Variants in CAMTA1 observed in about 807,000 individuals in gnomAD.
CAMTA1 encodes the protein calmodulin binding transcription activator 1.
Under a neutral mutation model 170.9 loss-of-function variants are expected in CAMTA1, and 27 were observed. That is an observed-to-expected ratio of 0.16 (90% CI 0.12 to 0.22). The LOEUF (loss-of-function observed/expected upper bound fraction) is 0.22. Ranked by LOEUF, CAMTA1 falls within the 10% of genes least tolerant of loss-of-function variation. The pLI, the probability that CAMTA1 is intolerant of heterozygous loss-of-function variation, is 1.00. For missense variants in CAMTA1, 1,619 were observed against 2,217.2 expected (o/e 0.73, Z 5.42); for synonymous variants, 833 against 891.5 (o/e 0.93, Z 1.17).
intron 5 of CAMTA1, among the ~76,000 whole-genome samples, chr1:7,374,818 G>T (rs562613710): frequency 6.6e-6 from 1 of 152,306 alleles, no homozygotes; most frequent in African/African-American, 2.4e-5. Flanking sequence ...CCCCCACGTT[G>T]CAAGGGAATG....
chr1:7,493,516 C>A (rs1373750514), intron 6 of CAMTA1, among the ~76,000 whole-genome samples: 1 of 152,334 alleles, frequency 6.6e-6, no homozygotes, highest in African/African-American at 2.4e-5. Context: ...CACACACACG[C>A]GCAGGGGCAC....
At chr1:7,492,920 C>T (rs2093743504) in intron 6 of CAMTA1, among the ~76,000 whole-genome samples, 1 of 144,914 alleles carries the variant, frequency 6.9e-6, no homozygotes, top group East Asian at 2.1e-4. Flanking sequence ...CACACACAAA[C>T]CTGCAAACAC....
intron 4 of CAMTA1, among the ~76,000 whole-genome samples, chr1:7,205,831 C>T (rs902347547): frequency 2.0e-5 from 3 of 152,094 alleles, no homozygotes; most frequent in African/African-American, 4.8e-5. Context: ...TTCTAGTACT[C>T]GTATGGTTTC....
chr1:7,295,948 A>C (rs1430321410), intron 5 of CAMTA1, among the ~76,000 whole-genome samples: 1 of 152,210 alleles, frequency 6.6e-6, no homozygotes, highest in Non-Finnish European at 1.5e-5. Context: ...GGCTCCTTAC[A>C]AGGCTACCGA....
intron 6 of CAMTA1, among the ~76,000 whole-genome samples, chr1:7,558,137 G>A (rs113951301): frequency 2.0e-5 from 3 of 152,124 alleles, no homozygotes; most frequent in Non-Finnish European, 4.4e-5. Context: ...CCCTCGCTCC[G>A]GCAGCCTCTT....
At chr1:6,840,611 A>C (rs1192923321) in intron 3 of CAMTA1, among the ~76,000 whole-genome samples, 1 of 152,170 alleles carries the variant, frequency 6.6e-6, no homozygotes, top group Non-Finnish European at 1.5e-5. Context: ...GATGATGTTG[A>C]ATAGGCAACT....
chr1:7,452,676 C>T (rs1251309764), intron 5 of CAMTA1, among the ~76,000 whole-genome samples: 1 of 152,130 alleles, frequency 6.6e-6, no homozygotes, highest in Non-Finnish European at 1.5e-5. Context: ...AAGGTTCATC[C>T]ATGTTGTGGC....
intron 4 of CAMTA1, among the ~76,000 whole-genome samples, chr1:7,131,826 CG>C (rs1444214504): frequency 6.6e-6 from 1 of 152,066 alleles, no homozygotes; most frequent in East Asian, 1.9e-4. Context: ...GAGGCCGAGG[CG>C]GGTGGATCAC....
In CAMTA1 at chr1:7,224,129, A is replaced by C. The variant is rs1661281559; in HGVS notation, c.303-25362A>C. ...ACCTTAACGTTTGTAGCACCTTTAC[A>C]TAAAGCCAGAGTGCTCAAGCCATCC... On this transcript the variant is annotated intron_variant, in intron 4 of 22. Transcript: ENST00000303635. The surrounding 1 kb of genome is among the most constrained non-coding windows in gnomAD (Gnocchi z 5.2). 6.6e-6 allele frequency among the ~76,000 whole-genome samples: 1 copy of C among 152,214 alleles called. No individual in the cohort carries two copies. The highest frequency in any genetic ancestry group is 2.4e-5 in the African/African-American group (1 of 41,462).
intron 4 of CAMTA1, among the ~76,000 whole-genome samples, chr1:7,120,802 C>T (rs980229437): frequency 4.6e-5 from 7 of 152,334 alleles, no homozygotes; most frequent in South Asian, 2.1e-4. Context: ...GAGGTTTAAT[C>T]GCACTGCCTG....
intron 11 of CAMTA1, among the ~76,000 whole-genome samples, chr1:7,706,834 T>C (rs2096529364): frequency 6.6e-6 from 1 of 152,150 alleles, no homozygotes; most frequent in South Asian, 2.1e-4. Context: ...TTTGTATTAT[T>C]TAAGGATTTG....
chr1:7,330,786 T>G (rs1289195388), intron 5 of CAMTA1, among the ~76,000 whole-genome samples: 1 of 152,220 alleles, frequency 6.6e-6, no homozygotes, highest in Non-Finnish European at 1.5e-5. Context: ...CTCTCTTTGA[T>G]GCAGGGAATG....
rs1372826444 is a variant in CAMTA1, at chr1:7,609,863, G to A, written c.511-30537G>A. On this transcript the variant is annotated intron_variant, in intron 6 of 22. Coordinates refer to ENST00000303635, the MANE Select transcript of CAMTA1 (RefSeq NM_015215.4). This position sits in a 1 kb window ranked among gnomAD's most constrained non-coding sequence, Gnocchi z 4.4. The stretch of plus-strand genomic sequence containing the variant: ...TGGCATCCGGGTAGAGTCCAAACAT[G>A]GAAGCTCGGATTATTATGTACTGCT... Among the ~76,000 whole-genome samples, 3 of 152,166 alleles carry A rather than the reference G, an allele frequency of 2.0e-5. No homozygotes were observed. Among genetic ancestry groups the A allele is most frequent in the Admixed American group, 1.3e-4 (2 of 15,286 alleles).
intron 4 of CAMTA1, among the ~76,000 whole-genome samples, chr1:7,125,697 C>T (rs1459749775): frequency 1.3e-5 from 2 of 152,078 alleles, no homozygotes; most frequent in Admixed American, 6.5e-5. Flanking sequence ...TGGGGGCTGG[C>T]GGTTCAGCAG....
chr1:7,455,815 C>T lies in CAMTA1; in HGVS notation c.439-12015C>T, dbSNP rs577961638. Among the ~76,000 whole-genome samples the T allele has an allele frequency of 6.6e-6, 1 of 152,378 alleles. No homozygotes were observed. Among genetic ancestry groups the T allele is most frequent in the Non-Finnish European group, 1.5e-5 (1 of 68,046 alleles). Reference sequence around the variant, plus strand: ...TGATTTCTGGGCAGCACTTGGCCCTCCGTGCCGTCCAGAATGGCCTCGGGG... The same window carrying T: ...TGATTTCTGGGCAGCACTTGGCCCTTCGTGCCGTCCAGAATGGCCTCGGGG... On this transcript the variant is annotated intron_variant, in intron 5 of 22. Transcript: ENST00000303635. This position sits in a 1 kb window ranked among gnomAD's most constrained non-coding sequence, Gnocchi z 5.0.
intron 3 of CAMTA1, among the ~76,000 whole-genome samples, chr1:6,832,721 G>T (rs1167384521): frequency 6.6e-6 from 1 of 152,100 alleles, no homozygotes; most frequent in Non-Finnish European, 1.5e-5. Flanking sequence ...CTTTTGGCAG[G>T]GCTAGTGGTT....
intron 5 of CAMTA1, among the ~76,000 whole-genome samples, chr1:7,465,736 G>A (rs1440230481): frequency 2.6e-5 from 4 of 152,190 alleles, no homozygotes; most frequent in African/African-American, 9.7e-5. Context: ...TTCTTTTGTA[G>A]GTTCACAGAG....
intron 3 of CAMTA1, among the ~76,000 whole-genome samples, chr1:6,861,749 G>A (rs1035449441): frequency 1.3e-5 from 2 of 152,082 alleles, no homozygotes; most frequent in African/African-American, 4.8e-5. Context: ...AAAATTTGTT[G>A]TCTTAACCAT....
intron 4 of CAMTA1, among the ~76,000 whole-genome samples, chr1:7,211,695 C>T (rs1658790887): frequency 6.6e-6 from 1 of 152,148 alleles, no homozygotes; most frequent in Non-Finnish European, 1.5e-5. Flanking sequence ...CTAATGAGCC[C>T]CGGCTCCTTT....
Sources: gnomAD v4.1 joint callset for allele counts (sites outside exome capture counted in the v4.1 genomes callset) on GRCh38, gnomAD v4.1.1 for gene constraint, Gnocchi (gnomAD v3.1) non-coding constraint, MANE v1.5 for transcripts, NCBI Gene and HGNC (gene_info 2026-07-23, HGNC 2026-07-21) for gene names.